TSHZ2: variants seen among roughly 807,000 people sequenced by gnomAD.
TSHZ2 encodes the protein teashirt homolog 2.
Under a neutral mutation model 74.4 loss-of-function variants are expected in TSHZ2, and 21 were observed. The observed-to-expected ratio is 0.28, with a 90% CI of 0.20 to 0.41. TSHZ2 has a LOEUF of 0.41. TSHZ2 is among the 10% of genes least tolerant of loss of function. The pLI is 1.00. For synonymous variants in TSHZ2, 540 were observed against 515.3 expected (o/e 1.05, Z -0.65); for missense variants, 1,244 against 1,293.5 (o/e 0.96, Z 0.59).
chr20:53,278,899 C>G (rs946977034), intron 2 of TSHZ2, among the ~76,000 whole-genome samples: 1 of 152,316 alleles, frequency 6.6e-6, no homozygotes, highest in Admixed American at 6.5e-5. Context: ...CCACAGATAA[C>G]TTTTGACTTC....
At chr20:53,267,982 G>C (rs1414101738) in intron 2 of TSHZ2, among the ~76,000 whole-genome samples, 1 of 152,194 alleles carries the variant, frequency 6.6e-6, no homozygotes, top group Non-Finnish European at 1.5e-5. Flanking sequence ...CCCAGCCAGA[G>C]CCTGAATCTT....
At chr20:53,404,513 A>G (rs931177163) in intron 2 of TSHZ2, among the ~76,000 whole-genome samples, 8 of 152,240 alleles carry the variant, frequency 5.3e-5, no homozygotes, top group Admixed American at 1.3e-4. Flanking sequence ...TAAAAATATT[A>G]TCAGTTAATG....
intron 1 of TSHZ2, among the ~76,000 whole-genome samples, chr20:53,031,677 C>T (rs1380610754): frequency 6.6e-6 from 1 of 152,158 alleles, no homozygotes; most frequent in Non-Finnish European, 1.5e-5. Context: ...TGATCCTCAA[C>T]AGCAGCAGAA....
intron 2 of TSHZ2, among the ~76,000 whole-genome samples, chr20:53,279,926 G>A (rs1203149555): frequency 6.6e-6 from 1 of 152,224 alleles, no homozygotes; most frequent in East Asian, 1.9e-4. Context: ...CAAAGGCCCT[G>A]AGGCAAGTAG....
chr20:52,978,768 A>G (rs1488097646), intron 1 of TSHZ2, among the ~76,000 whole-genome samples: 1 of 152,156 alleles, frequency 6.6e-6, no homozygotes, highest in African/African-American at 2.4e-5. Context: ...CAAGTTGAGA[A>G]CGCTTTTATA....
intron 2 of TSHZ2, among the ~76,000 whole-genome samples, chr20:53,434,236 T>G (rs1219035824): frequency 6.6e-6 from 1 of 152,184 alleles, no homozygotes; most frequent in Non-Finnish European, 1.5e-5. Context: ...GAATAACCTG[T>G]TGAGTATTTC....
At chr20:53,323,886 G>A (rs1600810620) in intron 2 of TSHZ2, among the ~76,000 whole-genome samples, 1 of 152,002 alleles carries the variant, frequency 6.6e-6, no homozygotes, top group Non-Finnish European at 1.5e-5. Flanking sequence ...GCTCCTCGGA[G>A]GGCTTTATTA....
chr20:53,072,139 T>C (rs1322297287), intron 1 of TSHZ2, among the ~76,000 whole-genome samples: 3 of 152,212 alleles, frequency 2.0e-5, no homozygotes, highest in African/African-American at 7.2e-5. Flanking sequence ...CTGTAGTAGC[T>C]GGGGTTTGTT....
intron 1 of TSHZ2, among the ~76,000 whole-genome samples, chr20:53,032,546 G>C (rs1158396519): frequency 4.6e-5 from 7 of 152,212 alleles, no homozygotes; most frequent in Admixed American, 3.9e-4. Context: ...TCTTGAGATA[G>C]GGTTTCAGAG....
intron 1 of TSHZ2, among the ~76,000 whole-genome samples, chr20:53,064,089 A>T (rs1984902596): frequency 1.3e-5 from 2 of 152,224 alleles, no homozygotes; most frequent in South Asian, 4.1e-4. Context: ...ATTTCAGATA[A>T]GATCAAATCA....
At chr20:53,067,168 G>A (rs1985017381) in intron 1 of TSHZ2, among the ~76,000 whole-genome samples, 1 of 152,152 alleles carries the variant, frequency 6.6e-6, no homozygotes. Flanking sequence ...GGGGACCAGT[G>A]ATTCTAGCTT....
intron 1 of TSHZ2, among the ~76,000 whole-genome samples, chr20:53,014,524 G>A (rs570839758): frequency 5.9e-5 from 9 of 152,206 alleles, no homozygotes; most frequent in Admixed American, 3.3e-4. Context: ...GTGACTGGAG[G>A]CACCTGGATT....
intron 2 of TSHZ2, among the ~76,000 whole-genome samples, chr20:53,342,220 G>C (rs1260257081): frequency 6.6e-6 from 1 of 151,086 alleles, no homozygotes; most frequent in Non-Finnish European, 1.5e-5. Context: ...TCCTGCTCCA[G>C]GCTCACACTC....
At chr20:53,177,979 T>G (rs1302988682) in intron 1 of TSHZ2, among the ~76,000 whole-genome samples, 2 of 152,182 alleles carry the variant, frequency 1.3e-5, no homozygotes, top group East Asian at 3.8e-4. Context: ...AATGTTAGCT[T>G]TTGTCTCCAA....
At chr20:53,273,656 G>T (rs1600782505) in intron 2 of TSHZ2, among the ~76,000 whole-genome samples, 2 of 152,302 alleles carry the variant, frequency 1.3e-5, no homozygotes, top group African/African-American at 4.8e-5. Context: ...AGGAGTGAAA[G>T]CAGGAGGCCA....
intron 2 of TSHZ2, among the ~76,000 whole-genome samples, chr20:53,391,295 C>T (rs1451493846): frequency 3.9e-5 from 6 of 151,988 alleles, no homozygotes; most frequent in East Asian, 1.9e-4. Context: ...TACAGGCACC[C>T]GCCACCACAT....
At chr20:53,130,317 T>C (rs754872135) in intron 1 of TSHZ2, among the ~76,000 whole-genome samples, 3 of 152,008 alleles carry the variant, frequency 2.0e-5, no homozygotes, top group Non-Finnish European at 4.4e-5. Flanking sequence ...TTTTATTTGT[T>C]GTTGTTATTT....
intron 1 of TSHZ2, among the ~76,000 whole-genome samples, chr20:53,096,927 CAA>C (rs1249389406): frequency 7.4e-6 from 1 of 134,772 alleles, no homozygotes; most frequent in Non-Finnish European, 1.7e-5. Context: ...AAAAACAAAA[CAA>C]AAACAAAAAA....
At position 53,182,640 on chromosome 20, in the gene TSHZ2, C is replaced by T. The variant is rs1020890122; in HGVS notation, c.41-70859C>T. Reference sequence around the variant, plus strand: ...ACATTTTGCCAAAGAATCTCTCTAACTTTTGGTAATCTGAACTTCTCTCTT... The same window carrying T: ...ACATTTTGCCAAAGAATCTCTCTAATTTTTGGTAATCTGAACTTCTCTCTT... On this transcript the variant is annotated intron_variant, in intron 1 of 2. Transcript: ENST00000371497. Among the ~76,000 whole-genome samples the T allele has an allele frequency of 2.6e-5, 4 of 152,300 alleles. No homozygotes were observed. In the Middle Eastern group the frequency reaches 0.01, roughly 389 times the overall value.
Sources: allele counts gnomAD v4.1 joint callset (sites outside exome capture counted in the v4.1 genomes callset), GRCh38; gene constraint gnomAD v4.1.1; transcripts MANE v1.5; gene names NCBI Gene and HGNC (gene_info 2026-07-23, HGNC 2026-07-21).